Variants in TDRD3 observed in about 807,000 individuals in gnomAD.
TDRD3 encodes the protein tudor domain containing 3.
TDRD3 carries 45 observed loss-of-function variants against 86.7 expected under a neutral mutation model. That is an observed-to-expected ratio of 0.52 (90% CI 0.41 to 0.67). The LOEUF is 0.67. TDRD3 is among the 30% of genes least tolerant of loss of function. The pLI, the probability that TDRD3 is intolerant of heterozygous loss-of-function variation, is 0.00. For missense variants in TDRD3, 814 were observed against 889.0 expected (o/e 0.92, Z 1.07); for synonymous variants, 298 against 301.7 (o/e 0.99, Z 0.13).
intron 1 of TDRD3, among the ~76,000 whole-genome samples, chr13:60,412,101 T>C (rs1269908165): frequency 3.3e-5 from 5 of 152,194 alleles, no homozygotes; most frequent in African/African-American, 9.7e-5. Flanking sequence ...AACAAACAAC[T>C]AGTTAAATCT....
chr13:60,547,354 A>G, intron 12 of TDRD3: 2 of 985,334 alleles, frequency 2.0e-6, no homozygotes, highest in Non-Finnish European at 2.4e-6. Context: ...GGAGTGGGCA[A>G]GGCTGGTCTT....
At chr13:60,419,318 T>C (rs1188985612) in intron 1 of TDRD3, among the ~76,000 whole-genome samples, 1 of 152,240 alleles carries the variant, frequency 6.6e-6, no homozygotes, top group Non-Finnish European at 1.5e-5. Context: ...TGAGTACTTT[T>C]TAATGTGACT....
intron 13 of TDRD3, among the ~76,000 whole-genome samples, chr13:60,572,600 T>C (rs1958610647): frequency 6.6e-6 from 1 of 152,146 alleles, no homozygotes. Flanking sequence ...AGGTCAAGGC[T>C]CAATGTGTAA....
At chr13:60,506,086 T>A (rs1956931547) in intron 8 of TDRD3, among the ~76,000 whole-genome samples, 1 of 152,094 alleles carries the variant, frequency 6.6e-6, no homozygotes, top group Admixed American at 6.5e-5. Flanking sequence ...ATCATCAGAT[T>A]CACCAAGGTT....
At chr13:60,462,584 A>G (rs1181528550) in intron 4 of TDRD3, among the ~76,000 whole-genome samples, 1 of 152,096 alleles carries the variant, frequency 6.6e-6, no homozygotes, top group Non-Finnish European at 1.5e-5. Context: ...GCTAATACGG[A>G]TGTGTTACCT....
At chr13:60,396,270 C>G (rs966056171), upstream of TDRD3, among the ~76,000 whole-genome samples, 3 of 152,208 alleles carry the variant, frequency 2.0e-5, no homozygotes, top group Non-Finnish European at 1.5e-5. Flanking sequence ...CCTTTTTCCC[C>G]GCAATACGGG....
chr13:60,438,185 A>G (rs1048039982), intron 1 of TDRD3, among the ~76,000 whole-genome samples: 2 of 152,192 alleles, frequency 1.3e-5, no homozygotes, highest in African/African-American at 4.8e-5. Context: ...GTGAATTTAT[A>G]AGATTATTAA....
At chr13:60,541,716 C>CTTTTTTT (rs71199007) in intron 12 of TDRD3, among the ~76,000 whole-genome samples, 1,215 of 41,022 alleles carry the variant, frequency 0.03, 305 homozygotes, top group South Asian at 0.038. Flanking sequence ...TCAGCATAGT[C>CTTTTTTT]TTTTTTTTTT....
intron 1 of TDRD3, among the ~76,000 whole-genome samples, chr13:60,417,351 AT>A (rs113668776): frequency 0.06 from 7,390 of 122,864 alleles, 176 homozygotes; most frequent in Middle Eastern, 0.084. Flanking sequence ...AACTAATTTC[AT>A]TTTTTTTTTT....
At chr13:60,475,006 A>G (rs915666033) in intron 5 of TDRD3, among the ~76,000 whole-genome samples, 1 of 151,898 alleles carries the variant, frequency 6.6e-6, no homozygotes, top group African/African-American at 2.4e-5. Flanking sequence ...TACCTGGTAT[A>G]CTATCTACAG....
At chr13:60,541,714 G>GTTTTTTTT (rs1259380702) in intron 12 of TDRD3, among the ~76,000 whole-genome samples, 5 of 42,990 alleles carry the variant, frequency 1.2e-4, no homozygotes, top group South Asian at 2.1e-3. Context: ...CTTCAGCATA[G>GTTTTTTTT]TCTTTTTTTT....
chr13:60,480,458 A>G (rs1005173358), intron 5 of TDRD3, among the ~76,000 whole-genome samples: 4 of 151,938 alleles, frequency 2.6e-5, no homozygotes, highest in Admixed American at 1.3e-4. Flanking sequence ...TCTGATGACT[A>G]TGTGTCTTGG....
intron 3 of TDRD3, among the ~76,000 whole-genome samples, chr13:60,452,419 T>C (rs1349262033): frequency 2.0e-5 from 3 of 152,116 alleles, no homozygotes. Flanking sequence ...TCTATTCTTC[T>C]TCTTATTCCA....
chr13:60,489,243 T>G (rs1416087842), intron 7 of TDRD3, among the ~76,000 whole-genome samples: 4 of 152,206 alleles, frequency 2.6e-5, no homozygotes, highest in African/African-American at 9.7e-5. Context: ...CCTAGTTATT[T>G]ATTGATTTCT....
At chr13:60,476,097 G>T (rs1255335905) in intron 5 of TDRD3, among the ~76,000 whole-genome samples, 1 of 152,094 alleles carries the variant, frequency 6.6e-6, no homozygotes, top group Non-Finnish European at 1.5e-5. Flanking sequence ...TGAGGACTTG[G>T]TTGTAAATTC....
intron 3 of TDRD3, 134 bp from the exon 4 acceptor site, chr13:60,460,246 T>G (rs1051734419): frequency 2.6e-6 from 2 of 763,304 alleles, no homozygotes; most frequent in African/African-American, 3.7e-5. Context: ...AATTTCAGTT[T>G]CAATCTTAAT....
At chr13:60,528,310 AATT>A (rs2137776818) in intron 10 of TDRD3, 54 bp from the exon 11 acceptor site, 1 of 1,487,630 alleles carries the variant, frequency 6.7e-7, no homozygotes, top group South Asian at 1.4e-5. Context: ...ATTTTAAAAT[AATT>A]ATTAATGCAG....
At chr13:60,479,399 C>G (rs1298143873) in intron 5 of TDRD3, among the ~76,000 whole-genome samples, 1 of 152,186 alleles carries the variant, frequency 6.6e-6, no homozygotes, top group Non-Finnish European at 1.5e-5. Flanking sequence ...TTAATGGAGA[C>G]TTGCTCTGTG....
intron 4 of TDRD3, among the ~76,000 whole-genome samples, chr13:60,462,749 T>C (rs1322557307): frequency 1.3e-5 from 2 of 152,146 alleles, no homozygotes; most frequent in African/African-American, 4.8e-5. Flanking sequence ...AACCAAAATA[T>C]ACTTTCTGAA....
Sources: gnomAD v4.1 joint callset for allele counts (sites outside exome capture counted in the v4.1 genomes callset) on GRCh38, gnomAD v4.1.1 for gene constraint, MANE v1.5 for transcripts, NCBI Gene and HGNC (gene_info 2026-07-23, HGNC 2026-07-21) for gene names.